The following ZBBX variants were observed in gnomAD, a reference collection of about 807,000 sequenced individuals.
The protein encoded by ZBBX is zinc finger B-box domain containing, also known as zinc finger B-box domain-containing protein 1.
In ZBBX, 101 loss-of-function variants were observed where a neutral mutation model predicts 108.5. The ratio of observed to expected loss-of-function variants is 0.93; its 90% CI spans 0.79 to 1.10. ZBBX has a LOEUF of 1.10. Ranked by LOEUF, ZBBX falls within the 50% of genes least tolerant of loss-of-function variation. ZBBX has a pLI of 0.00. For missense variants in ZBBX, 1,009 were observed against 941.4 expected, an observed-to-expected ratio of 1.07 and a Z score of -0.94; for synonymous variants, 356 against 323.4, an observed-to-expected ratio of 1.10 and a Z score of -1.08.
the ZBBX span, among the ~76,000 whole-genome samples, chr3:167,231,643 T>C: frequency 5.3e-5 from 8 of 151,816 alleles, no homozygotes; most frequent in African/African-American, 1.7e-4. Context: ...GCTAAAGATA[T>C]TATTCAAAGA....
At chr3:167,292,380 A>C (rs1256998530) in intron 18 of ZBBX, among the ~76,000 whole-genome samples, 1 of 152,212 alleles carries the variant, frequency 6.6e-6, no homozygotes, top group African/African-American at 2.4e-5. Flanking sequence ...TCAAATTAGG[A>C]ATCAGGATTA....
At chr3:167,347,885 T>C (rs1328356042) in intron 9 of ZBBX, among the ~76,000 whole-genome samples, 3 of 152,050 alleles carry the variant, frequency 2.0e-5, no homozygotes, top group African/African-American at 7.2e-5. Context: ...AGTTCTTTAT[T>C]GTATTTAACT....
chr3:167,360,458 C>T (rs1417419569), intron 7 of ZBBX, among the ~76,000 whole-genome samples: 1 of 151,650 alleles, frequency 6.6e-6, no homozygotes. Flanking sequence ...TTGAAAAATA[C>T]TATTACTATA....
the ZBBX span, among the ~76,000 whole-genome samples, chr3:167,191,858 T>C: frequency 7.0e-6 from 1 of 142,400 alleles, no homozygotes; most frequent in Non-Finnish European, 1.5e-5. Context: ...TTTTAGTGAA[T>C]GTTTTTGCAA....
At chr3:167,260,775 C>A (rs1197884643) in intron 20 of ZBBX, among the ~76,000 whole-genome samples, 2 of 152,202 alleles carry the variant, frequency 1.3e-5, no homozygotes, top group Admixed American at 6.5e-5. Context: ...CTTCGCATTT[C>A]TCTGGTTCCT....
intron 16 of ZBBX, among the ~76,000 whole-genome samples, chr3:167,308,862 A>C (rs1302920120): frequency 6.6e-6 from 1 of 152,074 alleles, no homozygotes; most frequent in African/African-American, 2.4e-5. Flanking sequence ...AGGCTTAATA[A>C]ATGGATGATG....
intron 20 of ZBBX, among the ~76,000 whole-genome samples, chr3:167,262,791 T>C (rs1006462419): frequency 8.5e-5 from 13 of 152,222 alleles, no homozygotes; most frequent in African/African-American, 2.9e-4. Context: ...TCTGAATTTC[T>C]GAAGTATCAG....
At chr3:167,341,893 A>G (rs1305152793) in intron 9 of ZBBX, among the ~76,000 whole-genome samples, 1 of 151,916 alleles carries the variant, frequency 6.6e-6, no homozygotes, top group Non-Finnish European at 1.5e-5. Context: ...TTTTAAATAT[A>G]GTATTGCTGT....
At chr3:167,241,211 C>G (rs899253086) in intron 21 of ZBBX, among the ~76,000 whole-genome samples, 6 of 152,126 alleles carry the variant, frequency 3.9e-5, no homozygotes, top group Admixed American at 3.9e-4. Flanking sequence ...ACTTTAGAAA[C>G]CTGCAGAGCC....
intron 19 of ZBBX, among the ~76,000 whole-genome samples, chr3:167,284,070 T>C (rs139224427): frequency 0.014 from 2,122 of 152,156 alleles, 25 homozygotes; most frequent in South Asian, 0.025. Flanking sequence ...ATTTTTAAAA[T>C]AATTTTAATT....
chr3:167,284,000 T>G (rs994698562), intron 19 of ZBBX, among the ~76,000 whole-genome samples: 2 of 152,202 alleles, frequency 1.3e-5, no homozygotes, highest in East Asian at 3.9e-4. Flanking sequence ...ATTTAAGCAA[T>G]TAAAATTGGC....
At chr3:167,356,583 C>T (rs1743619114) in intron 8 of ZBBX, among the ~76,000 whole-genome samples, 1 of 152,040 alleles carries the variant, frequency 6.6e-6, no homozygotes, top group African/African-American at 2.4e-5. Context: ...GCAAATGATG[C>T]TGCAGTACCT....
intron 16 of ZBBX, among the ~76,000 whole-genome samples, chr3:167,309,354 T>G (rs776296558): frequency 4.1e-4 from 63 of 152,324 alleles, no homozygotes; most frequent in Middle Eastern, 3.4e-3. Context: ...AGTGCCCCAG[T>G]GGTTACTCTG....
chr3:167,248,090 G>A (rs568992104), intron 20 of ZBBX, among the ~76,000 whole-genome samples: 1 of 152,300 alleles, frequency 6.6e-6, no homozygotes, highest in Non-Finnish European at 1.5e-5. Flanking sequence ...TTTTCCTAGA[G>A]GTGCCATGTA....
intron 10 of ZBBX, among the ~76,000 whole-genome samples, chr3:167,328,811 C>T (rs1282136753): frequency 6.6e-6 from 1 of 152,188 alleles, no homozygotes; most frequent in Non-Finnish European, 1.5e-5. Flanking sequence ...GCTCAAATAT[C>T]ACCTACTCAG....
chr3:167,282,648 A>T, intron 19 of ZBBX, 153 bp from the exon 20 acceptor site: 1 of 595,878 alleles, frequency 1.7e-6, no homozygotes, highest in South Asian at 2.9e-5. Context: ...CTTTCTAGCT[A>T]ACCACATTTT....
chr3:167,238,065 C>G (rs1720301838), downstream of ZBBX, among the ~76,000 whole-genome samples: 2 of 151,964 alleles, frequency 1.3e-5, no homozygotes, highest in Non-Finnish European at 2.9e-5. Flanking sequence ...AGGAAGATGT[C>G]TTAGAGCAAA....
rs555746185 is a variant in ZBBX, at chr3:167,275,356, C to A, written c.2254+6882G>T. 3.9e-5 allele frequency among the ~76,000 whole-genome samples: 6 copies of A among 152,298 alleles called. No individual in the cohort carries two copies. The South Asian group carries it at 6.2e-4, about 16-fold the overall frequency. ...AGAAGACGGGTGATTTCTGCATTTC[C>A]ATCTGAGGTACCGGGTTCATCTCAC... On this transcript the variant is annotated intron_variant, in intron 20 of 21. Coordinates refer to ENST00000675490, the MANE Select transcript of ZBBX (RefSeq NM_001199201.2).
At chr3:167,221,670 A>T in the ZBBX span, among the ~76,000 whole-genome samples, 27 of 151,974 alleles carry the variant, frequency 1.8e-4, no homozygotes, top group African/African-American at 5.8e-4. Flanking sequence ...GACAAATGGG[A>T]TCACATCAAT....
Sources: gnomAD v4.1 joint callset for allele counts (sites outside exome capture counted in the v4.1 genomes callset) on GRCh38, gnomAD v4.1.1 for gene constraint, MANE v1.5 for transcripts, NCBI Gene and HGNC (gene_info 2026-07-23, HGNC 2026-07-21) for gene names.